The following SLMAP variants were observed in gnomAD, a reference collection of about 807,000 sequenced individuals.
SLMAP encodes sarcolemmal membrane-associated protein.
In SLMAP, 44 loss-of-function variants were observed where a neutral mutation model predicts 128.8. The ratio of observed to expected loss-of-function variants is 0.34; its 90% confidence interval spans 0.27 to 0.44. SLMAP has a LOEUF of 0.44. SLMAP is among the 20% of genes least tolerant of loss of function. The pLI is 1.00. For synonymous variants in SLMAP, 327 were observed against 348.8 expected, an observed-to-expected ratio of 0.94 and a Z score of 0.70; for missense variants, 787 against 985.3, an observed-to-expected ratio of 0.80 and a Z score of 2.69.
intron 2 of SLMAP, among the ~76,000 whole-genome samples, chr3:57,786,730 T>A (rs2084226050): frequency 8.1e-6 from 1 of 123,514 alleles, no homozygotes; most frequent in African/African-American, 2.9e-5. Flanking sequence ...CTAGTCTTTG[T>A]ATTTTTTTTT....
At chr3:57,866,301 A>G (rs2095301595) in intron 13 of SLMAP, among the ~76,000 whole-genome samples, 1 of 151,908 alleles carries the variant, frequency 6.6e-6, no homozygotes, top group Non-Finnish European at 1.5e-5. Flanking sequence ...AAGAAAAGAC[A>G]AAATATTTTT....
At chr3:57,886,490 A>G (rs1029187271) in intron 14 of SLMAP, among the ~76,000 whole-genome samples, 7 of 152,208 alleles carry the variant, frequency 4.6e-5, no homozygotes, top group Non-Finnish European at 8.8e-5. Flanking sequence ...TTTGAAAGCT[A>G]AAAATATGAT....
intron 17 of SLMAP, among the ~76,000 whole-genome samples, chr3:57,905,170 G>A (rs946356260): frequency 1.3e-5 from 2 of 152,030 alleles, no homozygotes; most frequent in African/African-American, 2.4e-5. Context: ...AGAAGTGTGT[G>A]TGTGGTTCTG....
At chr3:57,884,263 G>T (rs7652294) in intron 14 of SLMAP, among the ~76,000 whole-genome samples, 47,100 of 152,006 alleles carry the variant, frequency 0.31, 7,623 homozygotes, top group East Asian at 0.48. Context: ...AGACAGACAA[G>T]TATCTCTTTC....
Position 57,858,732 on chromosome 3 carries a change from C to T in SLMAP, c.687+573C>T, listed in dbSNP as rs763512764. ...ATGAGGCGGGCGAATCACCTGAGCT[C>T]GAGAGTTCAAGACCAGTCCAACCGA... is the stretch of plus-strand genomic sequence containing the variant. On this transcript the variant is annotated intron_variant, in intron 8 of 24. Transcript: ENST00000671191. Among the ~76,000 whole-genome samples, 160 of 152,112 alleles carry T rather than the reference C, an allele frequency of 1.1e-3. 4 individuals are homozygous for T. The highest frequency in any genetic ancestry group is 2.1e-3 in the South Asian group (10 of 4,810).
At chr3:57,761,561 C>G (rs941389174) in intron 2 of SLMAP, among the ~76,000 whole-genome samples, 3 of 151,860 alleles carry the variant, frequency 2.0e-5, no homozygotes, top group Non-Finnish European at 4.4e-5. Context: ...TCCCAAAGTG[C>G]TAGGATTACA....
intron 14 of SLMAP, among the ~76,000 whole-genome samples, chr3:57,872,952 G>GC (rs1252952458): frequency 1.3e-5 from 2 of 152,160 alleles, no homozygotes; most frequent in Non-Finnish European, 2.9e-5. Flanking sequence ...ATGCATATGT[G>GC]CCCCCCGCTA....
chr3:57,881,650 G>A (rs1343072662), intron 14 of SLMAP, among the ~76,000 whole-genome samples: 1 of 152,046 alleles, frequency 6.6e-6, no homozygotes, highest in African/African-American at 2.4e-5. Context: ...TAGAGACAGG[G>A]TTTCACAGTG....
At chr3:57,897,227 C>T (rs1011768937) in intron 17 of SLMAP, 22 of 629,774 alleles carry the variant, frequency 3.5e-5, no homozygotes, top group South Asian at 7.1e-5. Context: ...AATTTATTAG[C>T]GCTTTTAACA....
At chr3:57,920,109 A>C (rs2096889582) in intron 22 of SLMAP, among the ~76,000 whole-genome samples, 1 of 152,244 alleles carries the variant, frequency 6.6e-6, no homozygotes, top group Non-Finnish European at 1.5e-5. Context: ...CCCTGTTAAG[A>C]ATCAGATCAT....
At chr3:57,838,527 A>T (rs2093749657) in intron 3 of SLMAP, among the ~76,000 whole-genome samples, 1 of 152,228 alleles carries the variant, frequency 6.6e-6, no homozygotes, top group Non-Finnish European at 1.5e-5. Flanking sequence ...GAAGCAGATA[A>T]TCCTTGATGC....
Position 57,927,326 on chromosome 3 carries a change from G to A in SLMAP, c.*37G>A, listed in dbSNP as rs575854499. The A allele has an allele frequency of 1.2e-6, 2 of 1,607,314 alleles. No individual in the cohort carries two copies. Among genetic ancestry groups the A allele is most frequent in the Admixed American group, 1.7e-5 (1 of 59,788 alleles). On this transcript the variant is annotated 3_prime_UTR_variant, in exon 25 of 25. Coordinates refer to ENST00000671191, the MANE Select transcript of SLMAP (RefSeq NM_001377540.1). ...CTGGCCCTGGATGCCCATGTTGGCT[G>A]CCCTGGTTGCAGTAACAGCCATCGT... is the stretch of plus-strand genomic sequence containing the variant.
chr3:57,866,661 T>A (rs2095311904), intron 13 of SLMAP, among the ~76,000 whole-genome samples: 1 of 152,182 alleles, frequency 6.6e-6, no homozygotes, highest in East Asian at 1.9e-4. Context: ...ATCAAGCAGA[T>A]CGCTTGAGCT....
At chr3:57,906,331 T>C (rs1185652447) in intron 17 of SLMAP, among the ~76,000 whole-genome samples, 1 of 138,204 alleles carries the variant, frequency 7.2e-6, no homozygotes, top group South Asian at 2.4e-4. Flanking sequence ...TTTTTTTTTT[T>C]TAGAGACACA....
chr3:57,760,791 G>A lies in SLMAP; in HGVS notation c.198+2942G>A, dbSNP rs567704003. On this transcript the variant is annotated intron_variant, in intron 2 of 24. Coordinates refer to ENST00000671191, the MANE Select transcript of SLMAP (RefSeq NM_001377540.1). Reference sequence around the variant, plus strand: ...TGCCCAGGCTGGAGTGCAATGGCGCGATCTTGGCTCACCACATCCTCTCCC... The same window carrying A: ...TGCCCAGGCTGGAGTGCAATGGCGCAATCTTGGCTCACCACATCCTCTCCC... Among the ~76,000 whole-genome samples, 7 of 151,810 alleles carry A rather than the reference G, an allele frequency of 4.6e-5. No individual in the cohort carries two copies. The East Asian group carries it at 1.2e-3, about 25-fold the overall frequency.
At chr3:57,764,771 A>G (rs1021085722) in intron 2 of SLMAP, among the ~76,000 whole-genome samples, 1 of 152,224 alleles carries the variant, frequency 6.6e-6, no homozygotes, top group African/African-American at 2.4e-5. Flanking sequence ...ATTAAATGGT[A>G]GAATTGAGAT....
chr3:57,870,289 A>G (rs944365862), intron 13 of SLMAP, among the ~76,000 whole-genome samples: 1 of 152,134 alleles, frequency 6.6e-6, no homozygotes, highest in Non-Finnish European at 1.5e-5. Context: ...GGCAATTACT[A>G]TTATACTGAG....
In SLMAP at chr3:57,904,354, G is replaced by A. The variant is rs934274605; in HGVS notation, c.1502-3530G>A. ...TGTGAGAATCGCTTGAGCCCAGGAG[G>A]TAGAGCCTGCAGTGAGTAGACATTG... On this transcript the variant is annotated intron_variant, in intron 17 of 24. Transcript: ENST00000671191. Among the ~76,000 whole-genome samples, 8 of 152,114 alleles carry A rather than the reference G, an allele frequency of 5.3e-5. 1 individual carries two copies. The highest frequency in any genetic ancestry group is 1.0e-4 in the Non-Finnish European group (7 of 68,022).
chr3:57,815,207 A>G (rs571850417), intron 2 of SLMAP, among the ~76,000 whole-genome samples: 2 of 152,268 alleles, frequency 1.3e-5, no homozygotes, highest in African/African-American at 4.8e-5. Context: ...GTGAGAATCT[A>G]ATGCCACCAC....
Sources: allele counts gnomAD v4.1 joint callset (sites outside exome capture counted in the v4.1 genomes callset), GRCh38; gene constraint gnomAD v4.1.1; transcripts MANE v1.5; gene names NCBI Gene and HGNC (gene_info 2026-07-23, HGNC 2026-07-21).